The following DGKB variants were observed in gnomAD, a reference collection of about 807,000 sequenced individuals.
The protein encoded by DGKB is diacylglycerol kinase beta.
In DGKB, 67 loss-of-function variants were observed where a neutral mutation model predicts 114.3. That is an observed-to-expected ratio of 0.59 (90% CI 0.48 to 0.72). The LOEUF is 0.72. DGKB is among the 30% of genes least tolerant of loss of function. The pLI, the probability that DGKB is intolerant of heterozygous loss-of-function variation, is 0.00. For synonymous variants in DGKB, 398 were observed against 323.1 expected (o/e 1.23, Z -2.49); for missense variants, 907 against 975.2 (o/e 0.93, Z 0.93).
intron 20 of DGKB, among the ~76,000 whole-genome samples, chr7:14,488,246 A>C (rs1284933701): frequency 1.3e-5 from 2 of 152,208 alleles, no homozygotes; most frequent in African/African-American, 4.8e-5. Flanking sequence ...AGAAGAGAAT[A>C]TAAATTATAA....
intron 2 of DGKB, among the ~76,000 whole-genome samples, chr7:14,759,558 GT>G (rs1835387768): frequency 6.6e-6 from 1 of 151,918 alleles, no homozygotes; most frequent in African/African-American, 2.4e-5. Flanking sequence ...TGTTTTCAAG[GT>G]TTTTCCATGT....
At chr7:14,253,803 G>C (rs1233081625) in intron 23 of DGKB, among the ~76,000 whole-genome samples, 1 of 152,080 alleles carries the variant, frequency 6.6e-6, no homozygotes, top group Non-Finnish European at 1.5e-5. Flanking sequence ...TCTTGTATGT[G>C]TCCATTTGTC....
At chr7:14,303,315 G>T (rs17168064) in intron 23 of DGKB, among the ~76,000 whole-genome samples, 9,769 of 152,102 alleles carry the variant, frequency 0.064, 1,025 homozygotes, top group African/African-American at 0.22. Flanking sequence ...AACTTTACTT[G>T]GATGTGTATG....
intron 23 of DGKB, among the ~76,000 whole-genome samples, chr7:14,257,716 A>T (rs1796147704): frequency 6.6e-6 from 1 of 152,048 alleles, no homozygotes; most frequent in Non-Finnish European, 1.5e-5. Context: ...CTATGAGTCT[A>T]TTAAACCTTT....
intron 20 of DGKB, among the ~76,000 whole-genome samples, chr7:14,489,663 G>A (rs551180534): frequency 4.6e-5 from 7 of 152,250 alleles, no homozygotes; most frequent in South Asian, 2.1e-4. Context: ...CCTCATGTGC[G>A]TTTGCAATCA....
intron 23 of DGKB, among the ~76,000 whole-genome samples, chr7:14,252,867 A>G (rs181123433): frequency 3.3e-5 from 5 of 152,194 alleles, no homozygotes; most frequent in African/African-American, 1.2e-4. Flanking sequence ...ATGTTGTGCT[A>G]TATGGGCTTG....
At chr7:14,414,233 C>T (rs1246785851) in intron 21 of DGKB, among the ~76,000 whole-genome samples, 2 of 151,916 alleles carry the variant, frequency 1.3e-5, no homozygotes, top group African/African-American at 2.4e-5. Context: ...AGAACAAGTT[C>T]GAGATAAGTG....
At position 14,645,700 on chromosome 7, in the gene DGKB, G is replaced by GAA. The variant is rs560563150; in HGVS notation, c.1135-15434_1135-15433dup. Among the ~76,000 whole-genome samples the GAA allele has an allele frequency of 4.2e-4, 59 of 141,406 alleles. 1 individual carries two copies. The highest frequency in any genetic ancestry group is 7.4e-3 in the Middle Eastern group (2 of 272). 92.8% of individuals were successfully genotyped at this position (141,406 alleles called of 152,430 possible). A position where few individuals can be genotyped will look rare whatever the true frequency, so the allele number is the denominator to read the frequency against. ...AGATGATATATTCAAAATGCTAAAA[G>GAA]AAAAAAAAAAACCTGTCAGCCAAGA... On this transcript the variant is annotated intron_variant, in intron 13 of 25. Transcript: ENST00000402815.
chr7:14,663,213 A>T lies in DGKB; in HGVS notation c.1134+9716T>A, dbSNP rs1284726003. ...TGAACAATTTGGCTGAATCTTAACA[A>T]AGCTTAGGCTTTTTAACGTGCTTGT... is the stretch of plus-strand genomic sequence containing the variant. On this transcript the variant is annotated intron_variant, in intron 13 of 25. Transcript: ENST00000402815. Among the ~76,000 whole-genome samples, 4 of 152,096 alleles carry T rather than the reference A, an allele frequency of 2.6e-5. No individual in the cohort carries two copies. The East Asian group carries it at 7.8e-4, about 29-fold the overall frequency.
chr7:14,810,915 C>T (rs1211233852), intron 2 of DGKB, among the ~76,000 whole-genome samples: 7 of 152,156 alleles, frequency 4.6e-5, no homozygotes, highest in Admixed American at 1.3e-4. Context: ...GGCCTACTTA[C>T]AAAGTCTTTG....
intron 23 of DGKB, among the ~76,000 whole-genome samples, chr7:14,320,386 T>C (rs1585117447): frequency 6.6e-6 from 1 of 152,132 alleles, no homozygotes; most frequent in African/African-American, 2.4e-5. Context: ...AAGTAGCACG[T>C]CCAGAGCTTG....
intron 9 of DGKB, among the ~76,000 whole-genome samples, chr7:14,691,537 G>T (rs1822864679): frequency 6.6e-6 from 1 of 152,092 alleles, no homozygotes; most frequent in Non-Finnish European, 1.5e-5. Context: ...AGTTGTCTTG[G>T]TGTCATTCTT....
At chr7:14,765,311 G>A (rs1026535970) in intron 2 of DGKB, among the ~76,000 whole-genome samples, 4 of 151,972 alleles carry the variant, frequency 2.6e-5, no homozygotes, top group African/African-American at 9.6e-5. Context: ...TGGGATCATC[G>A]TTAGCTTAAA....
At chr7:14,679,702 G>T (rs1360671570) in intron 12 of DGKB, among the ~76,000 whole-genome samples, 1 of 151,978 alleles carries the variant, frequency 6.6e-6, no homozygotes, top group South Asian at 2.1e-4. Context: ...TCTGGAAAGT[G>T]TAAGAGCAAA....
intron 23 of DGKB, among the ~76,000 whole-genome samples, chr7:14,274,503 G>A (rs770538705): frequency 1.3e-5 from 2 of 151,836 alleles, no homozygotes; most frequent in South Asian, 2.1e-4. Flanking sequence ...ATACCTTTCC[G>A]CATTAACATC....
Position 14,613,333 on chromosome 7 carries a change from A to T in DGKB, c.1358+7T>A. 1 of 1,548,198 alleles carries T rather than the reference A, an allele frequency of 6.5e-7. No individual in the cohort carries two copies. The highest frequency in any genetic ancestry group is 8.8e-7 in the Non-Finnish European group (1 of 1,140,272). ...ACATAGACACTAAAATCAATCAAAA[A>T]ACATACCGTTCTCCTTGTTTTCCAC... On this transcript the variant is annotated splice_region_variant and intron_variant, in intron 16 of 25. Transcript: ENST00000402815.
chr7:14,742,722 C>A lies in DGKB; in HGVS notation c.169-6528G>T, dbSNP rs531795224. ...AATTAAAACAACTTATCAGATTTTA[C>A]ATTAAAGTTTAAAATTGCTAAGAGT... On this transcript the variant is annotated intron_variant, in intron 4 of 25. Coordinates refer to ENST00000402815, the MANE Select transcript of DGKB (RefSeq NM_001350709.2). 2.6e-5 allele frequency among the ~76,000 whole-genome samples: 4 copies of A among 152,258 alleles called. No homozygotes were observed. The East Asian group carries it at 7.7e-4, about 29-fold the overall frequency.
In DGKB at chr7:14,743,981, C is replaced by T. The variant is rs570444075; in HGVS notation, c.169-7787G>A. Among the ~76,000 whole-genome samples, 12 of 152,196 alleles carry T rather than the reference C, an allele frequency of 7.9e-5. No homozygotes were observed. In the East Asian group the frequency reaches 1.2e-3, roughly 15 times the overall value. The stretch of plus-strand genomic sequence containing the variant: ...ACTCATGAAAGAGCTGAAACATTCA[C>T]GAATATCAAGCAGAGCATGAGTTAA... On this transcript the variant is annotated intron_variant, in intron 4 of 25. Transcript: ENST00000402815.
At chr7:14,847,290 C>CAAAA (rs369385721) in intron 1 of DGKB, among the ~76,000 whole-genome samples, 1 of 92,898 alleles carries the variant, frequency 1.1e-5, no homozygotes, top group African/African-American at 4.0e-5. Flanking sequence ...GACTCCGTCT[C>CAAAA]AAAAAAAAAA....
Sources: allele counts gnomAD v4.1 joint callset (sites outside exome capture counted in the v4.1 genomes callset), GRCh38; gene constraint gnomAD v4.1.1; transcripts MANE v1.5; gene names NCBI Gene and HGNC (gene_info 2026-07-23, HGNC 2026-07-21).